Variants in ROBO2 observed in about 807,000 individuals in gnomAD.
The protein encoded by ROBO2 is roundabout guidance receptor 2.
A neutral mutation model predicts 160.8 loss-of-function variants in ROBO2; 53 were observed. That is an observed-to-expected ratio of 0.33 (90% confidence interval 0.26 to 0.41). ROBO2 has a LOEUF of 0.41. Ranked by LOEUF, ROBO2 falls within the 10% of genes least tolerant of loss-of-function variation. The pLI is 1.00. For missense variants in ROBO2, 1,577 were observed against 1,722.4 expected, an observed-to-expected ratio of 0.92 and a Z score of 1.49; for synonymous variants, 664 against 611.7, an observed-to-expected ratio of 1.09 and a Z score of -1.26.
intron 2 of ROBO2, among the ~76,000 whole-genome samples, chr3:76,629,852 C>T (rs921688495): frequency 1.3e-5 from 2 of 152,164 alleles, no homozygotes; most frequent in African/African-American, 4.8e-5. Context: ...GCTGTCTATG[C>T]AAGTACATCA....
chr3:76,652,774 T>G (rs1251084029), intron 2 of ROBO2, among the ~76,000 whole-genome samples: 12 of 151,720 alleles, frequency 7.9e-5, no homozygotes, highest in Admixed American at 7.9e-4. Context: ...AAAAAAGAGC[T>G]AGGCATAAAG....
chr3:76,678,591 T>A (rs1194923130), intron 2 of ROBO2, among the ~76,000 whole-genome samples: 4 of 152,166 alleles, frequency 2.6e-5, no homozygotes, highest in African/African-American at 9.7e-5. Flanking sequence ...GGATCTATGA[T>A]TTTTGTTTTT....
At chr3:76,745,270 AG>A (rs1314909618) in intron 2 of ROBO2, among the ~76,000 whole-genome samples, 1 of 152,066 alleles carries the variant, frequency 6.6e-6, no homozygotes, top group African/African-American at 2.4e-5. Flanking sequence ...TGAAAACTCG[AG>A]TTACTATATT....
chr3:77,061,231 C>G (rs777936525), intron 1 of ROBO2, among the ~76,000 whole-genome samples: 19 of 152,078 alleles, frequency 1.2e-4, no homozygotes, highest in Non-Finnish European at 2.4e-4. Flanking sequence ...ATTTAAAAGT[C>G]ATTTATTAGG....
At chr3:76,630,941 C>T (rs2089992914) in intron 2 of ROBO2, among the ~76,000 whole-genome samples, 2 of 152,192 alleles carry the variant, frequency 1.3e-5, no homozygotes, top group Middle Eastern at 3.4e-3. Flanking sequence ...CATTTCTCTT[C>T]GATGTCTAAA....
intron 2 of ROBO2, among the ~76,000 whole-genome samples, chr3:76,396,576 A>G (rs933178682): frequency 6.6e-5 from 10 of 152,118 alleles, no homozygotes; most frequent in Non-Finnish European, 1.3e-4. Flanking sequence ...AGAAAACCCC[A>G]TTGTCTCAGC....
chr3:76,314,093 T>C (rs1162083956), intron 2 of ROBO2, among the ~76,000 whole-genome samples: 1 of 152,142 alleles, frequency 6.6e-6, no homozygotes, highest in Non-Finnish European at 1.5e-5. Context: ...CTCCCAAATA[T>C]AGGTTAGTAG....
chr3:77,049,972 A>G (rs893295149), intron 1 of ROBO2, among the ~76,000 whole-genome samples: 1 of 152,230 alleles, frequency 6.6e-6, no homozygotes, highest in African/African-American at 2.4e-5. Flanking sequence ...TATTCATTAT[A>G]AAGGAAAGTT....
chr3:76,450,093 G>GT (rs11435568), intron 2 of ROBO2, among the ~76,000 whole-genome samples: 19,594 of 152,126 alleles, frequency 0.13, 1,668 homozygotes, highest in East Asian at 0.29. Flanking sequence ...CACATCAGAC[G>GT]TTTGGAAGAA....
intron 2 of ROBO2, among the ~76,000 whole-genome samples, chr3:76,280,388 G>A (rs1438373686): frequency 6.6e-6 from 1 of 151,944 alleles, no homozygotes; most frequent in African/African-American, 2.4e-5. Context: ...TCTCAGAAGA[G>A]GAAAAACATG....
intron 2 of ROBO2, among the ~76,000 whole-genome samples, chr3:76,762,927 T>G (rs927576654): frequency 6.6e-6 from 1 of 151,638 alleles, no homozygotes; most frequent in Non-Finnish European, 1.5e-5. Flanking sequence ...TCAGAAGGAG[T>G]ATTGTTCACG....
At chr3:76,510,462 G>A (rs1336924053) in intron 2 of ROBO2, among the ~76,000 whole-genome samples, 4 of 152,154 alleles carry the variant, frequency 2.6e-5, no homozygotes, top group East Asian at 1.9e-4. Context: ...AGTGGCTCAC[G>A]TCTGTAATCC....
intron 2 of ROBO2, among the ~76,000 whole-genome samples, chr3:76,868,163 T>C (rs1025633738): frequency 3.9e-5 from 6 of 152,280 alleles, no homozygotes; most frequent in African/African-American, 1.4e-4. Context: ...TAAGTTACGA[T>C]TTGTTTTTTT....
At chr3:77,194,085 G>C (rs1003364437) in intron 2 of ROBO2, among the ~76,000 whole-genome samples, 2 of 152,034 alleles carry the variant, frequency 1.3e-5, no homozygotes, top group East Asian at 3.9e-4. Context: ...GACACCAATG[G>C]GCATGAATAT....
At chr3:76,448,045 T>TA (rs1473820096) in intron 2 of ROBO2, among the ~76,000 whole-genome samples, 2 of 150,428 alleles carry the variant, frequency 1.3e-5, no homozygotes, top group East Asian at 3.9e-4. Context: ...AGTATATATA[T>TA]AAAAAAAGAA....
chr3:76,826,804 A>T (rs576345106), intron 2 of ROBO2, among the ~76,000 whole-genome samples: 104 of 152,330 alleles, frequency 6.8e-4, no homozygotes, highest in African/African-American at 2.4e-3. Context: ...TATAAAAATG[A>T]TGCTCTTTTA....
chr3:77,070,712 C>T (rs2067319232), intron 1 of ROBO2, among the ~76,000 whole-genome samples: 1 of 152,056 alleles, frequency 6.6e-6, no homozygotes, highest in Non-Finnish European at 1.5e-5. Context: ...TCCCAGTTAG[C>T]AGTCTGGATT....
At chr3:76,913,233 G>A (rs1017941897) in intron 2 of ROBO2, among the ~76,000 whole-genome samples, 1 of 152,258 alleles carries the variant, frequency 6.6e-6, no homozygotes, top group Non-Finnish European at 1.5e-5. Flanking sequence ...ATGAGTGAGC[G>A]TTTTAGGTGG....
chr3:77,604,472 A>C (rs2153694003), intron 20 of ROBO2, among the ~76,000 whole-genome samples: 1 of 152,218 alleles, frequency 6.6e-6, no homozygotes, highest in African/African-American at 2.4e-5. Flanking sequence ...CAAGTTTTAA[A>C]AGTTGTCTTT....
Sources: allele counts gnomAD v4.1 joint callset (sites outside exome capture counted in the v4.1 genomes callset), GRCh38; gene constraint gnomAD v4.1.1; transcripts MANE v1.5; gene names NCBI Gene and HGNC (gene_info 2026-07-23, HGNC 2026-07-21).